The following GRIK2 variants were observed in gnomAD, a reference collection of about 807,000 sequenced individuals.
The protein encoded by GRIK2 is glutamate receptor ionotropic, kainate 2.
A neutral mutation model predicts 100.3 loss-of-function variants in GRIK2; 32 were observed. The ratio of observed to expected loss-of-function variants is 0.32; its 90% CI spans 0.24 to 0.43. GRIK2 has a LOEUF of 0.43. Ranked by LOEUF, GRIK2 falls within the 20% of genes least tolerant of loss-of-function variation. GRIK2 has a pLI of 1.00. For synonymous variants in GRIK2, 417 were observed against 389.4 expected (o/e 1.07, Z -0.83); for missense variants, 843 against 1,114.9 (o/e 0.76, Z 3.47).
intron 2 of GRIK2, among the ~76,000 whole-genome samples, chr6:101,610,656 A>G (rs1323781741): frequency 6.6e-6 from 1 of 151,748 alleles, no homozygotes; most frequent in Non-Finnish European, 1.5e-5. Context: ...AGTGTTATAA[A>G]TCTCTGATAT....
chr6:101,619,017 T>C (rs1175545253), intron 2 of GRIK2, among the ~76,000 whole-genome samples: 1 of 148,838 alleles, frequency 6.7e-6, no homozygotes, highest in Non-Finnish European at 1.5e-5. Context: ...GTGAATCTAC[T>C]TTTTTCTTCT....
intron 2 of GRIK2, among the ~76,000 whole-genome samples, chr6:101,523,464 T>C (rs1750163198): frequency 6.6e-6 from 1 of 152,150 alleles, no homozygotes; most frequent in South Asian, 2.1e-4. Flanking sequence ...ACTGGGACTA[T>C]GAATTCTGGA....
At chr6:101,935,676 A>G (rs1178411806) in intron 14 of GRIK2, among the ~76,000 whole-genome samples, 2 of 151,952 alleles carry the variant, frequency 1.3e-5, no homozygotes, top group African/African-American at 4.8e-5. Flanking sequence ...ATTTGTGTTC[A>G]TGTAGTTTTC....
At chr6:101,414,488 C>T (rs980582976) in intron 2 of GRIK2, among the ~76,000 whole-genome samples, 27 of 152,058 alleles carry the variant, frequency 1.8e-4, no homozygotes, top group African/African-American at 6.0e-4. Flanking sequence ...CACAGATCCC[C>T]CCTGGAAGTC....
intron 7 of GRIK2, among the ~76,000 whole-genome samples, chr6:101,774,609 T>A (rs954298931): frequency 6.6e-6 from 1 of 152,134 alleles, no homozygotes; most frequent in East Asian, 1.9e-4. Flanking sequence ...GTAAAAAAAA[T>A]TTAATTAGGT....
intron 14 of GRIK2, among the ~76,000 whole-genome samples, chr6:101,952,615 T>C (rs952729318): frequency 6.6e-6 from 1 of 152,062 alleles, no homozygotes; most frequent in Non-Finnish European, 1.5e-5. Context: ...TATTTTTTTT[T>C]TTTTTGAGGC....
intron 15 of GRIK2, among the ~76,000 whole-genome samples, chr6:102,039,032 C>T (rs1770429540): frequency 6.6e-6 from 1 of 151,168 alleles, no homozygotes. Context: ...AAAAATTGTG[C>T]ATATATCCAC....
intron 7 of GRIK2, among the ~76,000 whole-genome samples, chr6:101,709,280 A>T (rs1773546319): frequency 6.6e-6 from 1 of 151,694 alleles, no homozygotes. Context: ...CTTAGTTTGG[A>T]CTTCTTGCCT....
intron 4 of GRIK2, among the ~76,000 whole-genome samples, chr6:101,673,333 G>C (rs1057128468): frequency 2.0e-5 from 3 of 152,156 alleles, no homozygotes; most frequent in Non-Finnish European, 2.9e-5. Context: ...AGCCAGCATG[G>C]GTTTTATTAA....
At chr6:101,515,341 C>T (rs931030274) in intron 2 of GRIK2, among the ~76,000 whole-genome samples, 9 of 152,022 alleles carry the variant, frequency 5.9e-5, no homozygotes, top group African/African-American at 2.2e-4. Flanking sequence ...GTTGGTTCCA[C>T]AATTTTGCAG....
chr6:102,068,225 A>C, intron 16 of GRIK2, 122 bp from the exon 17 acceptor site: 1 of 661,256 alleles, frequency 1.5e-6, no homozygotes, highest in South Asian at 2.3e-5. Context: ...TTTTACAATG[A>C]AAATTTTCAA....
At chr6:101,868,627 A>G (rs1785198827) in intron 11 of GRIK2, among the ~76,000 whole-genome samples, 1 of 151,596 alleles carries the variant, frequency 6.6e-6, no homozygotes, top group African/African-American at 2.4e-5. Flanking sequence ...ATCTAAACAG[A>G]AAGACAAAAA....
intron 14 of GRIK2, among the ~76,000 whole-genome samples, chr6:102,002,447 A>T (rs1162413088): frequency 6.7e-6 from 1 of 149,038 alleles, no homozygotes; most frequent in Non-Finnish European, 1.5e-5. Context: ...ACATATATGT[A>T]TATATAATTA....
intron 2 of GRIK2, among the ~76,000 whole-genome samples, chr6:101,592,551 C>A (rs910805624): frequency 4.5e-5 from 6 of 133,458 alleles, no homozygotes; most frequent in Non-Finnish European, 9.4e-5. Context: ...GTGTTGAAAG[C>A]GATTCTGGAA....
intron 6 of GRIK2, among the ~76,000 whole-genome samples, chr6:101,685,913 A>G (rs139104680): frequency 6.6e-6 from 1 of 152,298 alleles, no homozygotes; most frequent in East Asian, 1.9e-4. Flanking sequence ...TGCAAATCTT[A>G]GATGTGAGTT....
intron 2 of GRIK2, among the ~76,000 whole-genome samples, chr6:101,413,180 C>CA (rs1775962242): frequency 6.6e-6 from 1 of 151,914 alleles, no homozygotes; most frequent in African/African-American, 2.4e-5. Flanking sequence ...AACTTGGCTA[C>CA]AAAAAATAGC....
chr6:101,958,280 T>TGTGTGTGTGTGTGTGTGG, intron 14 of GRIK2, among the ~76,000 whole-genome samples: 1 of 151,330 alleles, frequency 6.6e-6, no homozygotes. Context: ...TGTGTGTGTG[T>TGTGTGTGTGTGTGTGTGG]GTGGGTCCAT....
chr6:101,481,199 C>CTAA (rs914306869), intron 2 of GRIK2, among the ~76,000 whole-genome samples: 45 of 152,172 alleles, frequency 3.0e-4, no homozygotes, highest in African/African-American at 1.0e-3. Flanking sequence ...GGATTAGAAG[C>CTAA]TAATAGTATT....
chr6:101,612,506 G>T (rs1160869840), intron 2 of GRIK2, among the ~76,000 whole-genome samples: 1 of 151,744 alleles, frequency 6.6e-6, no homozygotes, highest in African/African-American at 2.4e-5. Context: ...ATTGAGCTTA[G>T]GTGTAAACAT....
Sources: gnomAD v4.1 joint callset for allele counts (sites outside exome capture counted in the v4.1 genomes callset) on GRCh38, gnomAD v4.1.1 for gene constraint, MANE v1.5 for transcripts, NCBI Gene and HGNC (gene_info 2026-07-23, HGNC 2026-07-21) for gene names.